ZNF341: variants seen among roughly 807,000 people sequenced by gnomAD.
The protein encoded by ZNF341 is zinc finger protein 341.
ZNF341 carries 52 observed loss-of-function variants against 87.7 expected under a neutral mutation model. That is an observed-to-expected ratio of 0.59 (90% CI 0.47 to 0.75). ZNF341 has a LOEUF of 0.75. ZNF341 is among the 30% of genes least tolerant of loss of function. The probability of loss-of-function intolerance (pLI) is 0.00; values close to 1 mark genes in which losing one functional copy is unlikely to be tolerated. For missense variants in ZNF341, 977 were observed against 1,145.9 expected, an observed-to-expected ratio of 0.85 and a Z score of 2.13; for synonymous variants, 459 against 472.7, an observed-to-expected ratio of 0.97 and a Z score of 0.38.
At chr20:33,770,325 GA>G in intron 10 of ZNF341, 33 bp downstream of exon 10, 1 of 1,155,712 alleles carries the variant, frequency 8.7e-7, no homozygotes, top group East Asian at 2.7e-5. Flanking sequence ...TCCCTGGGTG[GA>G]CGGGTGGGTG....
intron 10 of ZNF341, among the ~76,000 whole-genome samples, chr20:33,776,316 T>C (rs111320445): frequency 0.036 from 5,539 of 151,948 alleles, 324 homozygotes; most frequent in African/African-American, 0.13. Flanking sequence ...TTGTCTCAAA[T>C]TCCTGGGCTC....
At chr20:33,734,186 G>A (rs1438331246) in intron 1 of ZNF341, among the ~76,000 whole-genome samples, 1 of 152,200 alleles carries the variant, frequency 6.6e-6, no homozygotes, top group Non-Finnish European at 1.5e-5. Flanking sequence ...CAGGCAGCAG[G>A]AACTGCATTT....
chr20:33,770,343 G>GGGGGGGGGGA, intron 10 of ZNF341, 51 bp downstream of exon 10: 2 of 511,254 alleles, frequency 3.9e-6, no homozygotes, highest in Non-Finnish European at 8.0e-6. Flanking sequence ...GGTGGGCAGG[G>GGGGGGGGGGA]AGCCCAGGGC....
chr20:33,789,537 AAGG>A lies in ZNF341; in HGVS notation c.1987_1989del (p.Glu663del). ...TTTTAGGACGCACACAGGCTGCAGT[AAGG>A]AGTTCAACCGGCCGGACAAGCTGAA... is the stretch of plus-strand genomic sequence containing the variant. On this transcript the variant is annotated inframe_deletion, in exon 14 of 15. Transcript: ENST00000375200. 1.9e-6 allele frequency: 3 copies of A among 1,614,056 alleles called. No homozygotes were observed. Among genetic ancestry groups the A allele is most frequent in the Non-Finnish European group, 2.5e-6 (3 of 1,179,984 alleles).
chr20:33,745,604 T>C (rs192805019), intron 3 of ZNF341, among the ~76,000 whole-genome samples: 5 of 152,168 alleles, frequency 3.3e-5, no homozygotes, highest in Admixed American at 2.6e-4. Context: ...AAAATCAAAT[T>C]GTAGAATAAT....
intron 7 of ZNF341, 73 bp from the exon 8 acceptor site, chr20:33,761,789 T>A: frequency 7.7e-7 from 1 of 1,295,160 alleles, no homozygotes; most frequent in Non-Finnish European, 1.0e-6. Context: ...GCCTTCCTTG[T>A]GGCTGTGAGC....
chr20:33,776,056 A>G (rs890449207), intron 10 of ZNF341, among the ~76,000 whole-genome samples: 1 of 151,840 alleles, frequency 6.6e-6, no homozygotes, highest in African/African-American at 2.4e-5. Context: ...TTATGTATGT[A>G]TTTTAATTTT....
At chr20:33,753,522 G>A in intron 5 of ZNF341, 99 bp downstream of exon 5, 1 of 1,424,316 alleles carries the variant, frequency 7.0e-7, no homozygotes, top group South Asian at 1.5e-5. Flanking sequence ...ACACTGTGCT[G>A]GGGATACCAT....
At chr20:33,758,245 A>C (rs925718346) in intron 6 of ZNF341, among the ~76,000 whole-genome samples, 1 of 152,248 alleles carries the variant, frequency 6.6e-6, no homozygotes, top group East Asian at 1.9e-4. Context: ...AAATGATTCT[A>C]CCTATTCATG....
At chr20:33,765,531 A>G (rs2019386545) in intron 8 of ZNF341, among the ~76,000 whole-genome samples, 2 of 151,958 alleles carry the variant, frequency 1.3e-5, no homozygotes, top group African/African-American at 2.4e-5. Context: ...GACACATGCA[A>G]CCATGCCCAG....
At position 33,791,777 on chromosome 20, in the gene ZNF341, T is replaced by G; in HGVS notation, c.*260T>G. ...CAGAGCCATGGTGGCAGGAGAGAGA[T>G]GGCTGAAGCCTGAGCAGCCCAGAGT... On this transcript the variant is annotated 3_prime_UTR_variant, in exon 15 of 15. Coordinates refer to ENST00000375200, the MANE Select transcript of ZNF341 (RefSeq NM_001282933.2). The G allele has an allele frequency of 2.2e-6, 1 of 445,406 alleles. No homozygotes were observed. The highest frequency in any genetic ancestry group is 4.0e-6 in the Non-Finnish European group (1 of 251,588). 27.6% of individuals were successfully genotyped at this position (445,406 alleles called of 1,614,324 possible).
rs142155066 is a variant in ZNF341, at chr20:33,758,774, C to T, written c.996C>T (p.Thr332=). 6.2e-7 allele frequency: 1 copy of T among 1,613,842 alleles called. No individual in the cohort carries two copies. The highest frequency in any genetic ancestry group is 1.3e-5 in the African/African-American group (1 of 74,930). Residue 332 remains threonine, a synonymous_variant, in exon 7 of 15, where the codon ACC becomes ACT. Coordinates refer to ENST00000375200, the MANE Select transcript of ZNF341 (RefSeq NM_001282933.2). ...GCTCATACTGTGACAAGTCATTCACCAAAAACTTTGACCTGCAGCAGCACA... is the reference window on the plus strand; with the variant it reads ...GCTCATACTGTGACAAGTCATTCACTAAAAACTTTGACCTGCAGCAGCACA... ...LKCSYCDKSF[T]KNFDLQQHIR...
chr20:33,763,723 G>C (rs1290079746), intron 8 of ZNF341, among the ~76,000 whole-genome samples: 1 of 152,180 alleles, frequency 6.6e-6, no homozygotes, highest in African/African-American at 2.4e-5. Flanking sequence ...TCCAAGGTTA[G>C]TTGGTCTCCA....
At chr20:33,769,220 G>A (rs942661349) in intron 9 of ZNF341, among the ~76,000 whole-genome samples, 1 of 152,144 alleles carries the variant, frequency 6.6e-6, no homozygotes, top group African/African-American at 2.4e-5. Flanking sequence ...TGTGATGACT[G>A]TGGGCCGGCT....
intron 4 of ZNF341, chr20:33,752,652 C>G (rs796204342): frequency 1.4e-4 from 24 of 175,464 alleles, no homozygotes; most frequent in Non-Finnish European, 1.5e-4. Context: ...ATTTTCTTTT[C>G]TTTTTTTTTT....
chr20:33,746,226 G>A (rs772889031), intron 3 of ZNF341, among the ~76,000 whole-genome samples: 128 of 131,070 alleles, frequency 9.8e-4, no homozygotes, highest in Non-Finnish European at 1.7e-3. Flanking sequence ...ACCGCGCCCG[G>A]CCTTTTTTTT....
chr20:33,739,648 TG>T (rs146953116), intron 1 of ZNF341, among the ~76,000 whole-genome samples: 3,189 of 152,244 alleles, frequency 0.021, 111 homozygotes, highest in African/African-American at 0.072. Context: ...CACAGATTTG[TG>T]GGGTTTGGGG....
chr20:33,773,836 A>G (rs2019573567), intron 10 of ZNF341, among the ~76,000 whole-genome samples: 1 of 152,102 alleles, frequency 6.6e-6, no homozygotes, highest in Non-Finnish European at 1.5e-5. Context: ...GCTTCATCAT[A>G]TCTTTAGAAG....
chr20:33,737,522 C>T (rs1029035763), intron 1 of ZNF341, among the ~76,000 whole-genome samples: 10 of 152,156 alleles, frequency 6.6e-5, no homozygotes, highest in South Asian at 2.1e-4. Context: ...GGGGTTTTAC[C>T]GTATTAGCCA....
Sources: gnomAD v4.1 joint callset for allele counts (sites outside exome capture counted in the v4.1 genomes callset) on GRCh38, gnomAD v4.1.1 for gene constraint, MANE v1.5 for transcripts, NCBI Gene and HGNC (gene_info 2026-07-23, HGNC 2026-07-21) for gene names.